The following EEPD1 variants were observed in gnomAD, a reference collection of about 807,000 sequenced individuals.
EEPD1 encodes the protein endonuclease/exonuclease/phosphatase family domain containing 1.
EEPD1 carries 17 observed loss-of-function variants against 46.3 expected under a neutral mutation model. The observed-to-expected ratio is 0.37, with a 90% CI of 0.25 to 0.55. The LOEUF is 0.55. Ranked by LOEUF, EEPD1 falls within the 20% of genes least tolerant of loss-of-function variation. EEPD1 has a pLI of 0.83. For missense variants in EEPD1, 673 were observed against 745.6 expected (o/e 0.90, Z 1.13); for synonymous variants, 313 against 315.6 (o/e 0.99, Z 0.09).
rs115680776 is a variant in EEPD1 at position 36,229,582 on chromosome 7, C to T, written c.879-9403C>T. ...TAATGTCGTCATTTCTCCTCCTTCA[C>T]TTCTATCCACTTCTCACCCACTGAA... On this transcript the variant is annotated intron_variant, in intron 2 of 7. Transcript: ENST00000242108. 2.3e-3 allele frequency among the ~76,000 whole-genome samples: 344 copies of T among 152,282 alleles called. 1 individual carries two copies. Among genetic ancestry groups the T allele is most frequent in the African/African-American group, 8.0e-3 (334 of 41,540 alleles).
intron 6 of EEPD1, among the ~76,000 whole-genome samples, chr7:36,293,872 G>C (rs1583482286): frequency 6.6e-6 from 1 of 152,024 alleles, no homozygotes; most frequent in East Asian, 1.9e-4. Context: ...GCTGAGGCAG[G>C]AGAATCGCTT....
chr7:36,199,750 T>C (rs1411409550), intron 2 of EEPD1, among the ~76,000 whole-genome samples: 2 of 152,120 alleles, frequency 1.3e-5, no homozygotes, highest in Non-Finnish European at 2.9e-5. Flanking sequence ...CTTCAAAAGC[T>C]ATGGTGGTTC....
chr7:36,259,691 CT>C (rs1786888690), intron 3 of EEPD1, among the ~76,000 whole-genome samples: 1 of 151,624 alleles, frequency 6.6e-6, no homozygotes, highest in South Asian at 2.1e-4. Context: ...ATTTTTTGTA[CT>C]TTTAGTAGAG....
Position 36,259,698 on chromosome 7 carries a change from T to A in EEPD1, c.930+20662T>A, listed in dbSNP as rs548385672. On this transcript the variant is annotated intron_variant, in intron 3 of 7. Transcript: ENST00000242108. ...CTATTATAATTTTTTGTACTTTTAG[T>A]AGAGACAGGGTTTCTCTATGTTGCC... 2.3e-3 allele frequency among the ~76,000 whole-genome samples: 347 copies of A among 152,140 alleles called. 1 individual carries two copies. The Middle Eastern group carries it at 0.024, about 10-fold the overall frequency.
chr7:36,265,134 T>G (rs927903900), intron 3 of EEPD1, among the ~76,000 whole-genome samples: 4 of 152,218 alleles, frequency 2.6e-5, no homozygotes, highest in African/African-American at 4.8e-5. Context: ...AAGGCTGGCA[T>G]CGCATAAGAA....
intron 2 of EEPD1, among the ~76,000 whole-genome samples, chr7:36,213,257 T>G (rs1785967259): frequency 6.6e-6 from 1 of 152,212 alleles, no homozygotes; most frequent in East Asian, 1.9e-4. Context: ...TGGATGGAAT[T>G]AACTGGCACT....
intron 6 of EEPD1, among the ~76,000 whole-genome samples, chr7:36,293,514 A>G (rs1787480393): frequency 6.6e-6 from 1 of 152,122 alleles, no homozygotes; most frequent in Non-Finnish European, 1.5e-5. Context: ...AAGCATTAAT[A>G]TTTTTATGAA....
At chr7:36,271,473 T>C (rs1304802057) in intron 3 of EEPD1, among the ~76,000 whole-genome samples, 1 of 152,134 alleles carries the variant, frequency 6.6e-6, no homozygotes, top group African/African-American at 2.4e-5. Context: ...TTTTTTCTTT[T>C]AAATTTGTTT....
chr7:36,253,012 T>C (rs1186049934), intron 3 of EEPD1, among the ~76,000 whole-genome samples: 1 of 151,878 alleles, frequency 6.6e-6, no homozygotes, highest in Non-Finnish European at 1.5e-5. Context: ...CCTTTAGGTT[T>C]AGTTTGATCT....
intron 2 of EEPD1, among the ~76,000 whole-genome samples, chr7:36,212,077 A>G (rs980916380): frequency 6.6e-6 from 1 of 152,248 alleles, no homozygotes; most frequent in Non-Finnish European, 1.5e-5. Flanking sequence ...AAGGTCATTT[A>G]TATCTCAATA....
rs1351266719 is a variant in EEPD1 at position 36,153,572 on chromosome 7, G to T, written c.-295G>T. The T allele has an allele frequency of 6.6e-6, 1 of 152,426 alleles. No individual in the cohort carries two copies. The highest frequency in any genetic ancestry group is 1.5e-5 in the Non-Finnish European group (1 of 68,216). The allele number at this position is 152,426 out of a possible 1,614,324, so 9.4% of individuals were successfully genotyped here. A position where few individuals can be genotyped will look rare whatever the true frequency, so the allele number is the denominator to read the frequency against. On this transcript the variant is annotated 5_prime_UTR_variant, in exon 1 of 8. Transcript: ENST00000242108. ...CTGACCAGTGACCCACACCCGCGCG[G>T]ACGCCTAGGCTGGAGGCAGGGGGCC...
chr7:36,184,293 T>TA (rs749295038), intron 2 of EEPD1, among the ~76,000 whole-genome samples: 113 of 152,358 alleles, frequency 7.4e-4, no homozygotes, highest in Non-Finnish European at 1.3e-3. Flanking sequence ...AAGCCATTCT[T>TA]ACTTTCCAGG....
intron 2 of EEPD1, among the ~76,000 whole-genome samples, chr7:36,174,974 A>T (rs1785151342): frequency 6.6e-6 from 1 of 152,228 alleles, no homozygotes; most frequent in African/African-American, 2.4e-5. Context: ...ATGCAGTGGA[A>T]GACGATTTAT....
Position 36,153,392 on chromosome 7 carries a change from G to C in EEPD1, c.-475G>C, listed in dbSNP as rs1784754590. The stretch of plus-strand genomic sequence containing the variant: ...CGCAACTGCGGCGGCGCCGCCGCAA[G>C]CCCCGGTGCAGCCTCGGCGGCGGGT... On this transcript the variant is annotated 5_prime_UTR_variant, in exon 1 of 8. Coordinates refer to ENST00000242108, the MANE Select transcript of EEPD1 (RefSeq NM_030636.3). 1.3e-5 allele frequency: 2 copies of C among 152,250 alleles called. No homozygotes were observed. 9.4% of individuals were successfully genotyped at this position (152,250 alleles called of 1,614,324 possible).
At chr7:36,215,350 G>A (rs1056486832) in intron 2 of EEPD1, among the ~76,000 whole-genome samples, 6 of 152,258 alleles carry the variant, frequency 3.9e-5, no homozygotes, top group Non-Finnish European at 8.8e-5. Context: ...GGGGGCTGCT[G>A]CTGCTGCTTT....
At chr7:36,253,749 T>C (rs1562703094) in intron 3 of EEPD1, among the ~76,000 whole-genome samples, 1 of 152,212 alleles carries the variant, frequency 6.6e-6, no homozygotes, top group Non-Finnish European at 1.5e-5. Context: ...TGTTGTCAAT[T>C]CAGCTTTCTT....
chr7:36,246,532 A>G (rs879261156), intron 3 of EEPD1, among the ~76,000 whole-genome samples: 19 of 152,324 alleles, frequency 1.2e-4, no homozygotes, highest in Non-Finnish European at 1.9e-4. Flanking sequence ...GGTCGTCATC[A>G]TCATCATCAC....
intron 2 of EEPD1, among the ~76,000 whole-genome samples, chr7:36,227,041 G>A (rs1786243001): frequency 6.6e-6 from 1 of 151,928 alleles, no homozygotes; most frequent in Admixed American, 6.6e-5. Flanking sequence ...TTTTCAAAAT[G>A]AGAAAAAATA....
intron 3 of EEPD1, among the ~76,000 whole-genome samples, chr7:36,254,212 G>A (rs1228127623): frequency 6.6e-6 from 1 of 152,076 alleles, no homozygotes; most frequent in Admixed American, 6.6e-5. Flanking sequence ...CATGTGCCAT[G>A]GTGGTTTGTG....
Sources: allele counts gnomAD v4.1 joint callset (sites outside exome capture counted in the v4.1 genomes callset), GRCh38; gene constraint gnomAD v4.1.1; transcripts MANE v1.5; gene names NCBI Gene and HGNC (gene_info 2026-07-23, HGNC 2026-07-21).